WWTR1: variants seen among roughly 807,000 people sequenced by gnomAD.
WWTR1 encodes the protein WW domain containing transcription regulator 1, also known as WW domain-containing transcription regulator protein 1.
Under a neutral mutation model 40.1 loss-of-function variants are expected in WWTR1, and 13 were observed. That is an observed-to-expected ratio of 0.32 (90% CI 0.21 to 0.52). WWTR1 has a LOEUF of 0.52. WWTR1 is among the 20% of genes least tolerant of loss of function. The pLI is 0.97. For synonymous variants in WWTR1, 230 were observed against 210.1 expected (o/e 1.09, Z -0.82); for missense variants, 436 against 523.1 (o/e 0.83, Z 1.63).
chr3:149,633,310 G>C (rs1214942797), intron 2 of WWTR1, among the ~76,000 whole-genome samples: 3 of 152,188 alleles, frequency 2.0e-5, no homozygotes, highest in Non-Finnish European at 4.4e-5. Context: ...GATCTCTTGA[G>C]CCCACGAGTT....
intron 1 of WWTR1, among the ~76,000 whole-genome samples, chr3:149,690,612 A>G (rs1345129976): frequency 3.3e-5 from 5 of 152,252 alleles, no homozygotes; most frequent in African/African-American, 1.2e-4. Flanking sequence ...ATCCAGATAT[A>G]TAAAGCAAAT....
At chr3:149,715,859 A>G (rs75650931) in intron 5 of WWTR1, among the ~76,000 whole-genome samples, 3,737 of 152,272 alleles carry the variant, frequency 0.025, 88 homozygotes, top group South Asian at 0.093. Context: ...GCAAAGAGTG[A>G]TGGGGATCTC....
chr3:149,628,133 G>A (rs1450200087), intron 2 of WWTR1, among the ~76,000 whole-genome samples: 2 of 150,942 alleles, frequency 1.3e-5, no homozygotes, highest in Non-Finnish European at 2.9e-5. Flanking sequence ...CACTTTGGGA[G>A]GTCGAGGTGG....
intron 2 of WWTR1, among the ~76,000 whole-genome samples, chr3:149,664,650 G>A (rs554343441): frequency 2.4e-4 from 36 of 150,312 alleles, no homozygotes; most frequent in Admixed American, 1.8e-3. Flanking sequence ...GTGCAATGGC[G>A]CCATCTCGGC....
At chr3:149,529,044 A>C (rs1735456441) in intron 4 of WWTR1, among the ~76,000 whole-genome samples, 1 of 152,238 alleles carries the variant, frequency 6.6e-6, no homozygotes, top group Non-Finnish European at 1.5e-5. Flanking sequence ...ATCTTGACAA[A>C]CATAACCAGA....
At chr3:149,579,047 A>C (rs367953532) in intron 2 of WWTR1, among the ~76,000 whole-genome samples, 5 of 152,338 alleles carry the variant, frequency 3.3e-5, no homozygotes, top group African/African-American at 1.2e-4. Context: ...TATTGCTGGA[A>C]GCATACAAAG....
chr3:149,687,164 T>C (rs79558766), intron 1 of WWTR1, among the ~76,000 whole-genome samples: 1 of 152,184 alleles, frequency 6.6e-6, no homozygotes, highest in Non-Finnish European at 1.5e-5. Flanking sequence ...TTTTACCTAC[T>C]GCAATTTTAG....
At chr3:149,720,714 T>C (rs1715735190) in intron 4 of WWTR1, among the ~76,000 whole-genome samples, 1 of 152,164 alleles carries the variant, frequency 6.6e-6, no homozygotes, top group African/African-American at 2.4e-5. Context: ...TGGGTAGTGT[T>C]GAAATCTTAA....
chr3:149,558,096 C>T (rs999004231), intron 3 of WWTR1, among the ~76,000 whole-genome samples: 6 of 151,772 alleles, frequency 4.0e-5, no homozygotes, highest in African/African-American at 1.2e-4. Flanking sequence ...TAAAACTACT[C>T]GTGTGTCAGT....
upstream of WWTR1, among the ~76,000 whole-genome samples, chr3:149,662,536 C>G (rs766388238): frequency 1.3e-5 from 2 of 152,160 alleles, no homozygotes; most frequent in Non-Finnish European, 2.9e-5. Context: ...GCTATTGATT[C>G]TTTCTTCTAG....
intron 3 of WWTR1, among the ~76,000 whole-genome samples, chr3:149,548,079 C>T (rs982593390): frequency 2.6e-5 from 4 of 151,546 alleles, no homozygotes; most frequent in African/African-American, 4.8e-5. Context: ...GGGTTATTTA[C>T]GTAGGACATG....
intron 3 of WWTR1, among the ~76,000 whole-genome samples, chr3:149,543,237 A>T (rs75581340): frequency 0.045 from 6,881 of 152,324 alleles, 210 homozygotes; most frequent in Middle Eastern, 0.075. Context: ...CAATTTTTTT[A>T]AAATGCTCTA....
chr3:149,711,974 T>C (rs537250663), intron 5 of WWTR1, among the ~76,000 whole-genome samples: 1 of 152,244 alleles, frequency 6.6e-6, no homozygotes, highest in Non-Finnish European at 1.5e-5. Flanking sequence ...CAATGTTAAC[T>C]TCTTGAAATC....
chr3:149,575,976 C>A (rs1232512539), intron 2 of WWTR1: 9 of 456,630 alleles, frequency 2.0e-5, no homozygotes, highest in Middle Eastern at 3.2e-4. Flanking sequence ...CACACCCAGC[C>A]AACACATTTA....
chr3:149,519,435 T>C lies in WWTR1; in HGVS notation c.*1370A>G, dbSNP rs1734938568. ...TCCTTCAGTTTCATAGATAGAATTA[T>C]TTTAAACACTTGAAATCTAGGAAGC... On this transcript the variant is annotated 3_prime_UTR_variant, in exon 7 of 7. Coordinates refer to ENST00000360632, the MANE Select transcript of WWTR1 (RefSeq NM_015472.6). 1.3e-5 allele frequency: 2 copies of C among 152,234 alleles called. No homozygotes were observed. The highest frequency in any genetic ancestry group is 4.1e-4 in the South Asian group (2 of 4,834). 9.4% of individuals were successfully genotyped at this position (152,234 alleles called of 1,614,324 possible).
At chr3:149,563,055 CA>C (rs1737156770) in intron 3 of WWTR1, among the ~76,000 whole-genome samples, 2 of 152,104 alleles carry the variant, frequency 1.3e-5, no homozygotes, top group Non-Finnish European at 2.9e-5. Context: ...TGAAATTCTC[CA>C]TAGCAAGGAA....
At chr3:149,682,984 A>C (rs543772650) in intron 1 of WWTR1, among the ~76,000 whole-genome samples, 44 of 152,336 alleles carry the variant, frequency 2.9e-4, no homozygotes, top group Non-Finnish European at 5.9e-4. Context: ...GGTAAAATAG[A>C]AAAGACAAAA....
intron 4 of WWTR1, among the ~76,000 whole-genome samples, 197 bp from the exon 5 acceptor site, chr3:149,528,166 G>C (rs896824610): frequency 1.3e-5 from 2 of 152,160 alleles, no homozygotes; most frequent in Admixed American, 6.5e-5. Flanking sequence ...CATTCACAAA[G>C]TTAATGGGAA....
chr3:149,690,224 T>TA (rs1576642138), intron 1 of WWTR1, among the ~76,000 whole-genome samples: 1 of 151,596 alleles, frequency 6.6e-6, no homozygotes, highest in Non-Finnish European at 1.5e-5. Flanking sequence ...GGAAGGGAGA[T>TA]AAAACCAAAA....
Sources: allele counts gnomAD v4.1 joint callset (sites outside exome capture counted in the v4.1 genomes callset), GRCh38; gene constraint gnomAD v4.1.1; transcripts MANE v1.5; gene names NCBI Gene and HGNC (gene_info 2026-07-23, HGNC 2026-07-21).